Variants in POC1B observed in about 807,000 individuals in gnomAD.
The protein encoded by POC1B is POC1 centriolar protein homolog B.
Under a neutral mutation model 60.6 loss-of-function variants are expected in POC1B, and 44 were observed. The observed-to-expected ratio is 0.73, with a 90% confidence interval of 0.57 to 0.93. POC1B has a LOEUF of 0.93. Ranked by LOEUF, POC1B falls within the 40% of genes least tolerant of loss-of-function variation. The pLI, the probability that POC1B is intolerant of heterozygous loss-of-function variation, is 0.00. For missense variants in POC1B, 555 were observed against 572.3 expected (o/e 0.97, Z 0.31); for synonymous variants, 180 against 198.9 (o/e 0.90, Z 0.80).
intron 3 of POC1B, 173 bp downstream of exon 3, chr12:89,496,998 A>G: frequency 1.5e-6 from 1 of 678,466 alleles, no homozygotes; most frequent in Non-Finnish European, 2.4e-6. Flanking sequence ...AAGAAGACAT[A>G]ATTTTGAGGA....
chr12:89,455,257 C>T (rs972742453), intron 10 of POC1B, among the ~76,000 whole-genome samples: 1 of 152,152 alleles, frequency 6.6e-6, no homozygotes, highest in African/African-American at 2.4e-5. Flanking sequence ...ATCACTTGAA[C>T]CCAGGAACTG....
chr12:89,524,128 A>G lies in POC1B; in HGVS notation c.100+992T>C, dbSNP rs372143538. On this transcript the variant is annotated intron_variant, in intron 2 of 11. Transcript: ENST00000313546. Reference sequence around the variant, plus strand: ...CGACCAGGCTTCGTTATAGAAAGCAATGATAACAGAGGTGGTAGGAAGTGT... The same window carrying G: ...CGACCAGGCTTCGTTATAGAAAGCAGTGATAACAGAGGTGGTAGGAAGTGT... 3.4e-5 allele frequency: 55 copies of G among 1,613,958 alleles called. No individual in the cohort carries two copies. Among genetic ancestry groups the G allele is most frequent in the East Asian group, 2.2e-4 (10 of 44,906 alleles).
the POC1B span, among the ~76,000 whole-genome samples, chr12:89,410,667 A>G: frequency 7.9e-5 from 11 of 139,702 alleles, no homozygotes; most frequent in Non-Finnish European, 1.7e-4. Context: ...CAACAGAGTG[A>G]GACTCCGTCT....
intron 9 of POC1B, among the ~76,000 whole-genome samples, chr12:89,465,912 C>CT: frequency 6.6e-6 from 1 of 152,190 alleles, no homozygotes; most frequent in African/African-American, 2.4e-5. Flanking sequence ...CCTGAGATAA[C>CT]AGCAAAGACC....
rs1380479787 is a variant in POC1B, at chr12:89,525,169, G to A, written c.51C>T (p.His17=). The change falls in exon 2 of 12, where the codon CAC becomes CAT. Residue 17 remains histidine (H), a synonymous_variant. Transcript: ENST00000313546. ...DPVLERYFKG[H]KAAITSLDLS... ...GGTCCAAGGAGGTGATCGCAGCTTT[G>A]TGGCCTTTGAAATAACGCTCCAGAA... 2 of 1,613,828 alleles carry A rather than the reference G, an allele frequency of 1.2e-6. No homozygotes were observed. Among genetic ancestry groups the A allele is most frequent in the East Asian group, 4.5e-5 (2 of 44,844 alleles).
chr12:89,486,019 G>A (rs1374495789), intron 4 of POC1B, among the ~76,000 whole-genome samples: 2 of 151,984 alleles, frequency 1.3e-5, no homozygotes, highest in African/African-American at 4.8e-5. Flanking sequence ...CCCTGACCTC[G>A]ATATGTAAAA....
At chr12:89,414,314 T>G in the POC1B span, among the ~76,000 whole-genome samples, 1 of 152,262 alleles carries the variant, frequency 6.6e-6, no homozygotes, top group East Asian at 1.9e-4. Flanking sequence ...ATCAAATGTT[T>G]ATTTTTAGTA....
intron 2 of POC1B, chr12:89,521,751 G>A (rs370354854): frequency 3.5e-5 from 12 of 345,202 alleles, no homozygotes; most frequent in East Asian, 4.2e-5. Flanking sequence ...TGCCAGGCTC[G>A]GTGCTAGGAG....
intron 4 of POC1B, among the ~76,000 whole-genome samples, chr12:89,482,008 C>T (rs1868378914): frequency 6.6e-6 from 1 of 152,114 alleles, no homozygotes; most frequent in African/African-American, 2.4e-5. Context: ...ACAACGACAG[C>T]ATAATCTAAA....
chr12:89,436,730 A>C (rs1881284657), intron 10 of POC1B, among the ~76,000 whole-genome samples: 1 of 151,918 alleles, frequency 6.6e-6, no homozygotes, highest in South Asian at 2.1e-4. Flanking sequence ...AAAACAACCA[A>C]AAAAAAACCC....
chr12:89,524,668 G>A lies in POC1B; in HGVS notation c.100+452C>T. 5.6e-6 allele frequency: 6 copies of A among 1,078,374 alleles called. No individual in the cohort carries two copies. The South Asian group carries it at 6.3e-5, about 11-fold the overall frequency. 66.8% of individuals were successfully genotyped at this position (1,078,374 alleles called of 1,614,324 possible). A position where few individuals can be genotyped will look rare whatever the true frequency, so the allele number is the denominator to read the frequency against. Reference sequence around the variant, plus strand: ...AGCAGGTTCTTCCTTTCATGCAGGCGCTAGGCTCCTTTCCAGCCACCCAGG... The same window carrying A: ...AGCAGGTTCTTCCTTTCATGCAGGCACTAGGCTCCTTTCCAGCCACCCAGG... On this transcript the variant is annotated intron_variant, in intron 2 of 11. Transcript: ENST00000313546.
chr12:89,425,116 T>C, intron 11 of POC1B, 45 bp downstream of exon 11: 1 of 1,585,428 alleles, frequency 6.3e-7, no homozygotes, highest in Non-Finnish European at 8.6e-7. Context: ...TTGTTTTGTG[T>C]ATTTTACCCC....
chr12:89,451,745 A>C (rs1020159979), intron 10 of POC1B, among the ~76,000 whole-genome samples: 3 of 152,226 alleles, frequency 2.0e-5, no homozygotes, highest in African/African-American at 4.8e-5. Context: ...AGACTTGCTG[A>C]CTACTTTCAC....
chr12:89,512,902 A>T (rs1870255767), intron 2 of POC1B, among the ~76,000 whole-genome samples: 1 of 152,238 alleles, frequency 6.6e-6, no homozygotes, highest in Admixed American at 6.5e-5. Context: ...GTTTTATAAG[A>T]TTCCAAAGCC....
intron 2 of POC1B, chr12:89,519,369 T>A (rs1261981188): frequency 6.6e-6 from 1 of 152,214 alleles, no homozygotes; most frequent in African/African-American, 2.4e-5. Flanking sequence ...TATAAATGTA[T>A]ACATAGGAGT....
At chr12:89,432,722 G>T (rs1881090356) in intron 10 of POC1B, among the ~76,000 whole-genome samples, 1 of 152,170 alleles carries the variant, frequency 6.6e-6, no homozygotes, top group African/African-American at 2.4e-5. Context: ...ATAAATTTTG[G>T]ACGTGTTATG....
At chr12:89,408,806 G>A in the POC1B span, among the ~76,000 whole-genome samples, 1 of 152,076 alleles carries the variant, frequency 6.6e-6, no homozygotes, top group East Asian at 1.9e-4. Context: ...ACTTTTTAAT[G>A]ATCGCCATTC....
chr12:89,525,878 T>C lies in POC1B; in HGVS notation c.15+3A>G. 11 of 1,456,248 alleles carry C rather than the reference T, an allele frequency of 7.6e-6. No individual in the cohort carries two copies. The highest frequency in any genetic ancestry group is 1.0e-5 in the Non-Finnish European group (11 of 1,098,656). The allele number at this position is 1,456,248 out of a possible 1,614,324, so 90.2% of individuals were successfully genotyped here. A position where few individuals can be genotyped will look rare whatever the true frequency, so the allele number is the denominator to read the frequency against. ...ACCCCCCCCACCTCCAACCCGTCCT[T>C]ACCGTGGCTGAGGCCATCGGGGGAG... is the stretch of plus-strand genomic sequence containing the variant. On this transcript the variant is annotated splice_donor_region_variant and intron_variant, in intron 1 of 11. Coordinates refer to ENST00000313546, the MANE Select transcript of POC1B (RefSeq NM_172240.3).
intron 2 of POC1B, chr12:89,501,799 C>A: frequency 1.9e-6 from 2 of 1,060,982 alleles, no homozygotes; most frequent in Non-Finnish European, 1.5e-6. Context: ...GAAAACAAAT[C>A]AGTCATCTAA....
Sources: gnomAD v4.1 joint callset for allele counts (sites outside exome capture counted in the v4.1 genomes callset) on GRCh38, gnomAD v4.1.1 for gene constraint, MANE v1.5 for transcripts, NCBI Gene and HGNC (gene_info 2026-07-23, HGNC 2026-07-21) for gene names.